Variants in IL6R observed in about 807,000 individuals in gnomAD.
IL6R encodes interleukin-6 receptor subunit alpha.
In IL6R, 38 loss-of-function variants were observed where a neutral mutation model predicts 48.3. The observed-to-expected ratio is 0.79, with a 90% CI of 0.61 to 1.03. The LOEUF (loss-of-function observed/expected upper bound fraction) is 1.03. Ranked by LOEUF, IL6R falls within the 50% of genes least tolerant of loss-of-function variation. IL6R has a pLI of 0.00. For missense variants in IL6R, 534 were observed against 618.3 expected (o/e 0.86, Z 1.45); for synonymous variants, 264 against 256.2 (o/e 1.03, Z -0.29).
intron 9 of IL6R, among the ~76,000 whole-genome samples, chr1:154,463,700 G>A (rs1691385777): frequency 6.6e-6 from 1 of 152,212 alleles, no homozygotes; most frequent in South Asian, 2.1e-4. Context: ...GGCCCCTTTA[G>A]GAAGGGGACG....
intron 6 of IL6R, among the ~76,000 whole-genome samples, chr1:154,436,520 G>A (rs766079728): frequency 2.4e-4 from 36 of 152,120 alleles, no homozygotes; most frequent in Non-Finnish European, 4.1e-4. Context: ...ATCATTTATC[G>A]GCTTGAAATT....
At chr1:154,427,676 C>CTT (rs1323932692) in intron 1 of IL6R, among the ~76,000 whole-genome samples, 1 of 152,186 alleles carries the variant, frequency 6.6e-6, no homozygotes, top group African/African-American at 2.4e-5. Context: ...GTCTCCGCCC[C>CTT]TTTGATGTCT....
chr1:154,420,390 G>A (rs549138145), intron 1 of IL6R, among the ~76,000 whole-genome samples: 2 of 151,964 alleles, frequency 1.3e-5, no homozygotes, highest in African/African-American at 4.8e-5. Context: ...GGGCGGTGAC[G>A]TGCCCATGGC....
At chr1:154,449,203 C>T (rs1337499020) in intron 7 of IL6R, among the ~76,000 whole-genome samples, 1 of 124,052 alleles carries the variant, frequency 8.1e-6, no homozygotes, top group East Asian at 2.9e-4. Context: ...CCTTGTAGGG[C>T]TTCTTAACGT....
At chr1:154,426,415 G>A (rs1167995376) in intron 1 of IL6R, among the ~76,000 whole-genome samples, 3 of 151,914 alleles carry the variant, frequency 2.0e-5, no homozygotes, top group Non-Finnish European at 4.4e-5. Flanking sequence ...CAACTACTCG[G>A]GAGGCTGAGA....
At chr1:154,408,626 C>T (rs898212908) in intron 1 of IL6R, among the ~76,000 whole-genome samples, 5 of 152,036 alleles carry the variant, frequency 3.3e-5, no homozygotes, top group African/African-American at 1.2e-4. Context: ...CCTCAGCAGC[C>T]AGGGTAAACA....
At chr1:154,433,974 G>C (rs934188843) in intron 3 of IL6R, among the ~76,000 whole-genome samples, 15 of 151,408 alleles carry the variant, frequency 9.9e-5, no homozygotes, top group African/African-American at 3.6e-4. Flanking sequence ...TGATCTGCCT[G>C]CGTTGCCCTC....
At chr1:154,461,467 T>A (rs1237396517) in intron 9 of IL6R, among the ~76,000 whole-genome samples, 2 of 152,216 alleles carry the variant, frequency 1.3e-5, no homozygotes, top group Non-Finnish European at 2.9e-5. Flanking sequence ...GCGGCCCTTA[T>A]GCCGGCATGA....
intron 9 of IL6R, among the ~76,000 whole-genome samples, chr1:154,464,676 G>A (rs544860353): frequency 1.3e-5 from 2 of 152,182 alleles, no homozygotes; most frequent in South Asian, 4.2e-4. Context: ...AAAAACAGTC[G>A]GGTCGGGTGT....
chr1:154,434,503 G>C lies in IL6R; in HGVS notation c.459-16G>C. The C allele has an allele frequency of 6.2e-7, 1 of 1,608,104 alleles. No individual in the cohort carries two copies. Among genetic ancestry groups the C allele is most frequent in the Non-Finnish European group, 8.5e-7 (1 of 1,177,692 alleles). On this transcript the variant is annotated splice_polypyrimidine_tract_variant and intron_variant, in intron 3 of 9. Transcript: ENST00000368485. Reference sequence around the variant, plus strand: ...AAACTGACAGGCAAGCCCTGCCCTTGTTTTGTGTCTAACAGTCAGAACAGT... The same window carrying C: ...AAACTGACAGGCAAGCCCTGCCCTTCTTTTGTGTCTAACAGTCAGAACAGT...
At position 154,469,227 on chromosome 1, in the gene IL6R, A is replaced by G. The variant is rs1691683727; in HGVS notation, c.*3847A>G. 1 of 152,260 alleles carries G rather than the reference A, an allele frequency of 6.6e-6. No homozygotes were observed. The highest frequency in any genetic ancestry group is 1.5e-5 in the Non-Finnish European group (1 of 68,044). The allele number at this position is 152,260 out of a possible 1,614,324, so 9.4% of individuals were successfully genotyped here. On this transcript the variant is annotated 3_prime_UTR_variant, in exon 10 of 10. Transcript: ENST00000368485. ...AGAGACCTTATTGGATGGAGATCAC[A>G]TCTGTTAAATAGAATACCTCAACTC...
chr1:154,412,504 C>G (rs555090599), intron 1 of IL6R, among the ~76,000 whole-genome samples: 1 of 152,260 alleles, frequency 6.6e-6, no homozygotes, highest in East Asian at 1.9e-4. Context: ...GTGATCCACC[C>G]ACCTTGGCCT....
At chr1:154,411,858 AC>A (rs1688038654) in intron 1 of IL6R, among the ~76,000 whole-genome samples, 1 of 151,812 alleles carries the variant, frequency 6.6e-6, no homozygotes, top group Non-Finnish European at 1.5e-5. Flanking sequence ...ACAAAGCAAG[AC>A]CCTGTCTCAA....
rs547728769 is a variant in IL6R, at chr1:154,425,148, G to C, written c.86-4048G>C. Among the ~76,000 whole-genome samples, 3 of 152,268 alleles carry C rather than the reference G, an allele frequency of 2.0e-5. No homozygotes were observed. The East Asian group carries it at 5.8e-4, about 29-fold the overall frequency. On this transcript the variant is annotated intron_variant, in intron 1 of 9. Coordinates refer to ENST00000368485, the MANE Select transcript of IL6R (RefSeq NM_000565.4). Reference sequence around the variant, plus strand: ...CTATCAGGCCCAGGGTGTGGCGCCGGGCTGTCTGCTTGTGGATTTCATTTC... The same window carrying C: ...CTATCAGGCCCAGGGTGTGGCGCCGCGCTGTCTGCTTGTGGATTTCATTTC...
intron 1 of IL6R, among the ~76,000 whole-genome samples, chr1:154,406,202 A>C (rs772784426): frequency 6.6e-6 from 1 of 152,114 alleles, no homozygotes; most frequent in East Asian, 1.9e-4. Context: ...CCGCGGGTGC[A>C]TGTGTGGATG....
At chr1:154,430,628 A>C (rs1179272616) in intron 3 of IL6R, 22 bp downstream of exon 3, 1 of 1,613,746 alleles carries the variant, frequency 6.2e-7, no homozygotes. Flanking sequence ...GGGCTGAGCT[A>C]TGTGCATGTT....
At chr1:154,440,728 C>G (rs979732425) in intron 6 of IL6R, among the ~76,000 whole-genome samples, 5 of 150,382 alleles carry the variant, frequency 3.3e-5, no homozygotes, top group African/African-American at 1.2e-4. Flanking sequence ...GATCTTGGCT[C>G]ACTGTAACCT....
chr1:154,423,838 T>C (rs1311495948), intron 1 of IL6R, among the ~76,000 whole-genome samples: 1 of 152,154 alleles, frequency 6.6e-6, no homozygotes, highest in East Asian at 1.9e-4. Flanking sequence ...AGCTCTGCTT[T>C]TGTGGAAGAG....
intron 8 of IL6R, among the ~76,000 whole-genome samples, chr1:154,451,255 C>T (rs111685209): frequency 0.032 from 4,860 of 152,224 alleles, 253 homozygotes; most frequent in African/African-American, 0.11. Flanking sequence ...CGGTGGCTTA[C>T]GCCTGTAATC....
Sources: gnomAD v4.1 joint callset for allele counts (sites outside exome capture counted in the v4.1 genomes callset) on GRCh38, gnomAD v4.1.1 for gene constraint, MANE v1.5 for transcripts, NCBI Gene and HGNC (gene_info 2026-07-23, HGNC 2026-07-21) for gene names.